NLRC3: variants seen among roughly 807,000 people sequenced by gnomAD.
NLRC3 encodes the protein NLR family CARD domain-containing protein 3.
NLRC3 carries 87 observed loss-of-function variants against 91.6 expected under a neutral mutation model. The observed-to-expected ratio is 0.95, with a 90% CI of 0.80 to 1.14. The LOEUF (loss-of-function observed/expected upper bound fraction) is 1.14. NLRC3 is among the 50% of genes most tolerant of loss of function. The pLI is 0.00. For missense variants in NLRC3, 1,577 were observed against 1,418.6 expected (o/e 1.11, Z -1.79); for synonymous variants, 694 against 625.3 (o/e 1.11, Z -1.64).
chr16:3,574,007 C>CTT (rs35126359), intron 1 of NLRC3, among the ~76,000 whole-genome samples: 1,096 of 40,470 alleles, frequency 0.027, 80 homozygotes, highest in East Asian at 0.058. Flanking sequence ...ACCATTTTAT[C>CTT]TTTTTTTTTT....
chr16:3,570,548 C>T (rs1322820608), intron 1 of NLRC3, among the ~76,000 whole-genome samples: 1 of 152,106 alleles, frequency 6.6e-6, no homozygotes, highest in African/African-American at 2.4e-5. Context: ...GTGGAATAAA[C>T]TGTGAGTGAC....
At position 3,563,154 on chromosome 16, in the gene NLRC3, G is replaced by C. The variant is rs1567143389; in HGVS notation, c.1783C>G (p.Leu595Val). 1.9e-6 allele frequency: 3 copies of C among 1,589,720 alleles called. No homozygotes were observed. The highest frequency in any genetic ancestry group is 2.6e-6 in the Non-Finnish European group (3 of 1,170,330). Residue 595 changes from leucine to valine, a missense_variant, in exon 5 of 20, where the codon CTG (leucine) becomes GTG (valine). Transcript: ENST00000359128. The part of the protein sequence containing the change: ...EAMESGALAR[L>V]TGPAHRAALA... ...GCAGCGCGGTGCGCGGGACCAGTCAGCCTGGCCAGGGCCCCGCTCTCCATG... is the reference window on the plus strand; with the variant it reads ...GCAGCGCGGTGCGCGGGACCAGTCACCCTGGCCAGGGCCCCGCTCTCCATG...
intron 15 of NLRC3, 185 bp from the exon 16 acceptor site, chr16:3,544,514 G>A: frequency 3.4e-6 from 2 of 592,804 alleles, no homozygotes; most frequent in Non-Finnish European, 6.1e-6. Context: ...TAAGCACACA[G>A]AGGCGTCTGG....
intron 15 of NLRC3, among the ~76,000 whole-genome samples, chr16:3,547,285 C>G (rs947762388): frequency 1.3e-5 from 2 of 152,144 alleles, no homozygotes; most frequent in South Asian, 4.1e-4. Flanking sequence ...ATGAAAGACA[C>G]CAGCCACAAA....
chr16:3,540,071 G>T lies in NLRC3; in HGVS notation c.*1754C>A, dbSNP rs1415397472. ...GACTGGGGGCATGTGATGTCTGTGT[G>T]TCCCATTATTGGCGATGTTCAATTC... On this transcript the variant is annotated 3_prime_UTR_variant, in exon 20 of 20. Coordinates refer to ENST00000359128, the MANE Select transcript of NLRC3 (RefSeq NM_178844.4). The T allele has an allele frequency of 1.3e-5, 2 of 152,208 alleles. No homozygotes were observed. The highest frequency in any genetic ancestry group is 4.8e-5 in the African/African-American group (2 of 41,450). The allele number at this position is 152,208 out of a possible 1,614,324, so 9.4% of individuals were successfully genotyped here.
chr16:3,561,566 TGCATCTGGA>T, intron 6 of NLRC3, 127 bp downstream of exon 6: 1 of 613,196 alleles, frequency 1.6e-6, no homozygotes. Flanking sequence ...ACAAGCAGGC[TGCATCTGGA>T]GCCACATGCT....
At chr16:3,561,218 G>A (rs2039595063) in intron 6 of NLRC3, among the ~76,000 whole-genome samples, 1 of 151,640 alleles carries the variant, frequency 6.6e-6, no homozygotes, top group South Asian at 2.1e-4. Flanking sequence ...GGTGTGGTGG[G>A]CCCCTCTAAT....
At position 3,577,386 on chromosome 16, in the gene NLRC3, G is replaced by A. The variant is rs1042603434; in HGVS notation, c.-406C>T. ...CTTCTGCAGCCCCACCGAGCCCACC[G>A]GCTGTCCCTGTGGCTCCGGGTCCTC... On this transcript the variant is annotated 5_prime_UTR_variant, in exon 1 of 20. Coordinates refer to ENST00000359128, the MANE Select transcript of NLRC3 (RefSeq NM_178844.4). 8.8e-6 allele frequency: 5 copies of A among 569,970 alleles called. No individual in the cohort carries two copies. Among genetic ancestry groups the A allele is most frequent in the Admixed American group, 3.2e-5 (1 of 31,388 alleles). The allele number at this position is 569,970 out of a possible 1,614,324, so 35.3% of individuals were successfully genotyped here. A position where few individuals can be genotyped will look rare whatever the true frequency, so the allele number is the denominator to read the frequency against.
intron 2 of NLRC3, among the ~76,000 whole-genome samples, chr16:3,566,447 C>T (rs1047091386): frequency 1.3e-5 from 2 of 152,014 alleles, no homozygotes; most frequent in Non-Finnish European, 2.9e-5. Flanking sequence ...AAAAATTAGC[C>T]GGGGAGGGTG....
chr16:3,555,134 A>C (rs1282084975), intron 8 of NLRC3, among the ~76,000 whole-genome samples: 1 of 151,724 alleles, frequency 6.6e-6, no homozygotes. Flanking sequence ...GGAGGCTGAG[A>C]CAGGAGAAGT....
chr16:3,576,282 C>T (rs1010033961), intron 1 of NLRC3, among the ~76,000 whole-genome samples: 1 of 152,214 alleles, frequency 6.6e-6, no homozygotes, highest in African/African-American at 2.4e-5. Context: ...AAGGCCTCTG[C>T]GGTTGCCGTC....
chr16:3,555,091 G>C (rs1411823719), intron 8 of NLRC3, among the ~76,000 whole-genome samples: 5 of 152,012 alleles, frequency 3.3e-5, no homozygotes, highest in Non-Finnish European at 5.9e-5. Context: ...TTAGCTGGGT[G>C]TGGTGGCACA....
intron 1 of NLRC3, among the ~76,000 whole-genome samples, chr16:3,575,365 G>A (rs1030819208): frequency 3.9e-5 from 6 of 152,206 alleles, no homozygotes; most frequent in African/African-American, 1.2e-4. Context: ...GAGTGAGGTC[G>A]CGAGGCCGCA....
At position 3,562,737 on chromosome 16, in the gene NLRC3, G is replaced by C. The variant is rs186312184; in HGVS notation, c.1928+272C>G. Among the ~76,000 whole-genome samples, 425 of 152,272 alleles carry C rather than the reference G, an allele frequency of 2.8e-3. 1 individual carries two copies. Among genetic ancestry groups the C allele is most frequent in the Non-Finnish European group, 4.7e-3 (322 of 68,022 alleles). ...GAAGTAACGCAGCCTTAAGCCAAGG[G>C]TTCCCATCAAACACTGGAAGCTAGA... On this transcript the variant is annotated intron_variant, in intron 5 of 19. Transcript: ENST00000359128.
Position 3,564,214 on chromosome 16 carries a change from C to T in NLRC3, c.723G>A (p.Lys241=). Residue 241 remains lysine, a synonymous_variant, in exon 5 of 20, where the codon AAG becomes AAA. Transcript: ENST00000359128. The surrounding 1 kb of genome is among the most constrained non-coding windows in gnomAD (Gnocchi z 5.9). Reference sequence around the variant, plus strand: ...TGATCAGGTGGTCCACCGGGATCTCCTTCTTTGGGTCCGTGCAGGCCACGG... The same window carrying T: ...TGATCAGGTGGTCCACCGGGATCTCTTTCTTTGGGTCCGTGCAGGCCACGG... ...SNTVACTDPK[K]EIPVDHLITN... 1.2e-6 allele frequency: 2 copies of T among 1,613,404 alleles called. No individual in the cohort carries two copies. The highest frequency in any genetic ancestry group is 1.7e-6 in the Non-Finnish European group (2 of 1,179,886).
intron 9 of NLRC3, among the ~76,000 whole-genome samples, chr16:3,553,843 G>A (rs1251747863): frequency 1.3e-5 from 2 of 151,552 alleles, no homozygotes; most frequent in African/African-American, 2.4e-5. Flanking sequence ...CCAGGTTCAA[G>A]CGATTCTCTC....
In NLRC3 at chr16:3,549,274, C is replaced by G. The variant is rs373447026; in HGVS notation, c.2520-49G>C. On this transcript the variant is annotated intron_variant, in intron 12 of 19. Coordinates refer to ENST00000359128, the MANE Select transcript of NLRC3 (RefSeq NM_178844.4). Reference sequence around the variant, plus strand: ...GCTTCTGACCGGGCAGATGAGGTGTCTGGCAAAGCCAAGCCCAGGTGTTTA... The same window carrying G: ...GCTTCTGACCGGGCAGATGAGGTGTGTGGCAAAGCCAAGCCCAGGTGTTTA... The G allele has an allele frequency of 1.7e-4, 237 of 1,377,208 alleles. 1 individual carries two copies. Among genetic ancestry groups the G allele is most frequent in the Non-Finnish European group, 2.3e-4 (224 of 987,704 alleles). 85.3% of individuals were successfully genotyped at this position (1,377,208 alleles called of 1,614,324 possible).
At chr16:3,547,966 C>T (rs898020267) in intron 15 of NLRC3, among the ~76,000 whole-genome samples, 169 bp downstream of exon 15, 4 of 152,176 alleles carry the variant, frequency 2.6e-5, no homozygotes, top group Admixed American at 6.5e-5. Flanking sequence ...CCAACGCACC[C>T]GGCCAATATA....
Position 3,550,428 on chromosome 16 carries a change from G to C in NLRC3, c.2421C>G (p.Gly807=), listed in dbSNP as rs762361469. 6.2e-6 allele frequency: 10 copies of C among 1,610,948 alleles called. No homozygotes were observed. In the South Asian group the frequency reaches 7.7e-5, roughly 12 times the overall value. ...GGTGGACTCACTCCAGGCTCTCCAG[G>C]CCCTGGTTCACCTTCAGGGCCTCAG... The part of the protein sequence containing the change: ...ALAEALKVNQ[G]LESLDLQSNS... Residue 807 remains glycine (G), a synonymous_variant, in exon 11 of 20, where the codon GGC becomes GGG. Transcript: ENST00000359128.
Sources: gnomAD v4.1 joint callset for allele counts (sites outside exome capture counted in the v4.1 genomes callset) on GRCh38, gnomAD v4.1.1 for gene constraint, Gnocchi (gnomAD v3.1) non-coding constraint, MANE v1.5 for transcripts, NCBI Gene and HGNC (gene_info 2026-07-23, HGNC 2026-07-21) for gene names.